The following GNAQ variants were observed in gnomAD, a reference collection of about 807,000 sequenced individuals.
The protein encoded by GNAQ is G protein subunit alpha q.
Under a neutral mutation model 43.9 loss-of-function variants are expected in GNAQ, and 8 were observed. The observed-to-expected ratio is 0.18, with a 90% CI of 0.11 to 0.33. The LOEUF is 0.33. GNAQ is among the 10% of genes least tolerant of loss of function. The pLI is 1.00. For synonymous variants in GNAQ, 155 were observed against 170.7 expected (o/e 0.91, Z 0.71); for missense variants, 158 against 450.8 (o/e 0.35, Z 5.88).
chr9:78,002,945 A>C (rs1823661570), intron 1 of GNAQ, among the ~76,000 whole-genome samples: 1 of 152,190 alleles, frequency 6.6e-6, no homozygotes, highest in Non-Finnish European at 1.5e-5. Flanking sequence ...AGGAGGTCTC[A>C]AACAAATACA....
rs193106349 is a variant in GNAQ, at chr9:77,908,112, G to C, written c.321+14049C>G. Among the ~76,000 whole-genome samples the C allele has an allele frequency of 1.3e-3, 203 of 152,206 alleles. 2 individuals carry two copies. In the Middle Eastern group the frequency reaches 0.014, roughly 10 times the overall value. On this transcript the variant is annotated intron_variant, in intron 2 of 6. Coordinates refer to ENST00000286548, the MANE Select transcript of GNAQ (RefSeq NM_002072.5). ...ATTTTGGAGCATATTAAATGAAAAA[G>C]GCCCAGAAGTGGTTGGCTAAAGTTA...
At chr9:77,860,393 T>G (rs932075638) in intron 2 of GNAQ, among the ~76,000 whole-genome samples, 1 of 152,220 alleles carries the variant, frequency 6.6e-6, no homozygotes, top group Admixed American at 6.5e-5. Flanking sequence ...AAAAAAAGGC[T>G]GACTGCACTA....
At chr9:77,812,073 G>C (rs1167218745) in intron 3 of GNAQ, among the ~76,000 whole-genome samples, 2 of 152,056 alleles carry the variant, frequency 1.3e-5, no homozygotes, top group Non-Finnish European at 2.9e-5. Flanking sequence ...AATGTGTCCT[G>C]GTTCAGATGA....
intron 1 of GNAQ, among the ~76,000 whole-genome samples, chr9:77,997,553 C>T (rs1053356294): frequency 6.6e-6 from 1 of 152,136 alleles, no homozygotes; most frequent in Non-Finnish European, 1.5e-5. Context: ...GGTACAGGTG[C>T]CGGTAAGTCA....
At chr9:77,767,371 T>A (rs1826153320) in intron 5 of GNAQ, among the ~76,000 whole-genome samples, 1 of 152,044 alleles carries the variant, frequency 6.6e-6, no homozygotes, top group African/African-American at 2.4e-5. Flanking sequence ...AGGGGCAGGA[T>A]GGGGGGACAA....
chr9:77,940,024 A>G (rs1829292124), intron 1 of GNAQ, among the ~76,000 whole-genome samples: 1 of 152,204 alleles, frequency 6.6e-6, no homozygotes, highest in African/African-American at 2.4e-5. Context: ...GGGTACTATT[A>G]AAAATTATAC....
In GNAQ at chr9:77,719,386, T is replaced by C; in HGVS notation, c.*1937A>G. On this transcript the variant is annotated 3_prime_UTR_variant, in exon 7 of 7. Coordinates refer to ENST00000286548, the MANE Select transcript of GNAQ (RefSeq NM_002072.5). ...GATTAGAGCATTTGTAATTGCACTA[T>C]ACCTACAGGCAGTCTGTTTGTTAAA... 4.3e-6 allele frequency: 1 copy of C among 232,598 alleles called. No individual in the cohort carries two copies. The highest frequency in any genetic ancestry group is 1.8e-4 in the South Asian group (1 of 5,516). The allele number at this position is 232,598 out of a possible 1,614,324, so 14.4% of individuals were successfully genotyped here.
intron 5 of GNAQ, among the ~76,000 whole-genome samples, chr9:77,786,230 T>G (rs984813770): frequency 7.9e-5 from 12 of 151,520 alleles, no homozygotes; most frequent in African/African-American, 2.9e-4. Flanking sequence ...ACAAAAAAAT[T>G]AGCTGGGCGT....
At chr9:77,789,505 T>C (rs972752486) in intron 5 of GNAQ, among the ~76,000 whole-genome samples, 5 of 152,174 alleles carry the variant, frequency 3.3e-5, no homozygotes, top group Admixed American at 2.6e-4. Context: ...AAAAAAAGTA[T>C]CATTTAAATT....
At chr9:77,748,770 T>TAATA (rs1825768855) in intron 5 of GNAQ, among the ~76,000 whole-genome samples, 1 of 152,226 alleles carries the variant, frequency 6.6e-6, no homozygotes, top group African/African-American at 2.4e-5. Flanking sequence ...GACAAATGTT[T>TAATA]AATAAATTAC....
intron 2 of GNAQ, among the ~76,000 whole-genome samples, chr9:77,821,355 C>T (rs1009204982): frequency 1.3e-5 from 2 of 152,058 alleles, no homozygotes; most frequent in African/African-American, 4.8e-5. Flanking sequence ...GGAAATACCC[C>T]TCCTTTATTG....
At chr9:77,851,751 T>C (rs1429942419) in intron 2 of GNAQ, among the ~76,000 whole-genome samples, 1 of 152,184 alleles carries the variant, frequency 6.6e-6, no homozygotes, top group Non-Finnish European at 1.5e-5. Flanking sequence ...GTTTGCTCTG[T>C]TTACTTTAAT....
intron 1 of GNAQ, among the ~76,000 whole-genome samples, chr9:77,961,074 T>C (rs1276101967): frequency 6.6e-6 from 1 of 152,244 alleles, no homozygotes; most frequent in African/African-American, 2.4e-5. Context: ...GGTAACACTT[T>C]TATATTTAAA....
Position 77,917,439 on chromosome 9 carries a change from A to C in GNAQ, c.321+4722T>G, listed in dbSNP as rs921706795. ...GGCTTAGTACCTGAGTGACAAAATA[A>C]TCTGTACACCAAACCCCCATGACAC... On this transcript the variant is annotated intron_variant, in intron 2 of 6. Transcript: ENST00000286548. Among the ~76,000 whole-genome samples the C allele has an allele frequency of 2.0e-5, 3 of 152,094 alleles. No individual in the cohort carries two copies. The East Asian group carries it at 5.8e-4, about 29-fold the overall frequency.
At chr9:77,950,589 T>G (rs1358046138) in intron 1 of GNAQ, among the ~76,000 whole-genome samples, 1 of 152,264 alleles carries the variant, frequency 6.6e-6, no homozygotes, top group African/African-American at 2.4e-5. Context: ...TACAGGTAGT[T>G]ATCTCTAGGG....
rs1033785301 is a variant in GNAQ, at chr9:77,764,459, C to CTT, written c.735+30002_735+30003dup. ...CATACTCTATGATTCTCTGAAAATA[C>CTT]TTTTTTTTTTTTTTGAGATGGAGTC... On this transcript the variant is annotated intron_variant, in intron 5 of 6. Transcript: ENST00000286548. 4.8e-4 allele frequency among the ~76,000 whole-genome samples: 69 copies of CTT among 144,460 alleles called. 1 individual carries two copies. Among genetic ancestry groups the CTT allele is most frequent in the African/African-American group, 1.7e-3 (67 of 39,542 alleles). The allele number at this position is 144,460 out of a possible 152,430, so 94.8% of individuals were successfully genotyped here. A position where few individuals can be genotyped will look rare whatever the true frequency, so the allele number is the denominator to read the frequency against.
chr9:77,755,314 C>T (rs981280577), intron 5 of GNAQ, among the ~76,000 whole-genome samples: 1 of 152,070 alleles, frequency 6.6e-6, no homozygotes, highest in African/African-American at 2.4e-5. Flanking sequence ...TTTGATAGCA[C>T]ATCAGGGTAA....
rs1179865662 is a variant in GNAQ, at chr9:77,815,803, C to T, written c.322-33G>A. 3 of 1,523,682 alleles carry T rather than the reference C, an allele frequency of 2.0e-6. No homozygotes were observed. The East Asian group carries it at 6.8e-5, about 34-fold the overall frequency. 94.4% of individuals were successfully genotyped at this position (1,523,682 alleles called of 1,614,324 possible). A position where few individuals can be genotyped will look rare whatever the true frequency, so the allele number is the denominator to read the frequency against. ...AATAAAAAAAGGCAGTTTTAATACC[C>T]TATTACTTTCCAAATTTTCTTTGCT... is the stretch of plus-strand genomic sequence containing the variant. On this transcript the variant is annotated intron_variant, in intron 2 of 6. Coordinates refer to ENST00000286548, the MANE Select transcript of GNAQ (RefSeq NM_002072.5).
At chr9:77,781,451 A>G (rs1240479830) in intron 5 of GNAQ, among the ~76,000 whole-genome samples, 6 of 152,110 alleles carry the variant, frequency 3.9e-5, no homozygotes, top group Non-Finnish European at 7.4e-5. Flanking sequence ...AAGAAATCTT[A>G]GCAATTATCT....
Sources: allele counts gnomAD v4.1 joint callset (sites outside exome capture counted in the v4.1 genomes callset), GRCh38; gene constraint gnomAD v4.1.1; transcripts MANE v1.5; gene names NCBI Gene and HGNC (gene_info 2026-07-23, HGNC 2026-07-21).